The following MARCHF1 variants were observed in gnomAD, a reference collection of about 807,000 sequenced individuals.
MARCHF1 encodes the protein E3 ubiquitin-protein ligase MARCHF1.
MARCHF1 carries 40 observed loss-of-function variants against 54.2 expected under a neutral mutation model. The observed-to-expected ratio is 0.74, with a 90% CI of 0.57 to 0.96. MARCHF1 has a LOEUF of 0.96. Among genes scored for constraint, MARCHF1 ranks in the 40% least tolerant of loss-of-function variants. The pLI, the probability that MARCHF1 is intolerant of heterozygous loss-of-function variation, is 0.00. For synonymous variants in MARCHF1, 236 were observed against 236.3 expected (o/e 1.00, Z 0.01); for missense variants, 586 against 656.5 (o/e 0.89, Z 1.17).
At chr4:163,899,506 T>G (rs1191048120) in intron 3 of MARCHF1, among the ~76,000 whole-genome samples, 1 of 152,158 alleles carries the variant, frequency 6.6e-6, no homozygotes, top group African/African-American at 2.4e-5. Flanking sequence ...TCATTTTTCT[T>G]TGTAAACATA....
intron 3 of MARCHF1, among the ~76,000 whole-genome samples, chr4:163,898,699 G>T (rs1439678047): frequency 6.6e-6 from 1 of 152,030 alleles, no homozygotes; most frequent in African/African-American, 2.4e-5. Context: ...CTACCCAATG[G>T]AAAAGAAATC....
At chr4:164,134,233 G>C (rs970128073) in intron 1 of MARCHF1, among the ~76,000 whole-genome samples, 5 of 152,168 alleles carry the variant, frequency 3.3e-5, no homozygotes, top group African/African-American at 1.2e-4. Flanking sequence ...CAAGAGGGTG[G>C]TCATTGATCT....
At chr4:163,698,077 C>A (rs1417077327) in intron 5 of MARCHF1, among the ~76,000 whole-genome samples, 1 of 152,170 alleles carries the variant, frequency 6.6e-6, no homozygotes, top group African/African-American at 2.4e-5. Flanking sequence ...AATATATATG[C>A]TCCTTTTACA....
At chr4:164,062,698 AT>A (rs1754645305) in intron 2 of MARCHF1, among the ~76,000 whole-genome samples, 1 of 151,858 alleles carries the variant, frequency 6.6e-6, no homozygotes, top group South Asian at 2.1e-4. Flanking sequence ...CTAATTTTGT[AT>A]TTTTAGTAGA....
Position 163,649,075 on chromosome 4 carries a change from TA to T in MARCHF1, c.163-35683del, listed in dbSNP as rs765644770. 1.3e-4 allele frequency among the ~76,000 whole-genome samples: 20 copies of T among 152,228 alleles called. No homozygotes were observed. In the East Asian group the frequency reaches 3.1e-3, roughly 24 times the overall value. ...CTTGAGATCCAAGGCTTATGTGATT[TA>T]TTTTTTTTCTAGAATATGCTGAGCT... On this transcript the variant is annotated intron_variant, in intron 5 of 9. Transcript: ENST00000514618.
chr4:163,955,356 A>G (rs1752211387), intron 3 of MARCHF1, among the ~76,000 whole-genome samples: 1 of 151,326 alleles, frequency 6.6e-6, no homozygotes, highest in Non-Finnish European at 1.5e-5. Flanking sequence ...GGAAAAAAAA[A>G]ACAAAAACAA....
intron 1 of MARCHF1, among the ~76,000 whole-genome samples, chr4:164,256,432 T>TAAAAAAAAAAAAAAAAAAAA (rs11345775): frequency 1.6e-5 from 2 of 121,852 alleles, no homozygotes; most frequent in Non-Finnish European, 3.4e-5. Flanking sequence ...ACAAGAAGCT[T>TAAAAAAAAAAAAAAAAAAAA]AAAAAAAAAA....
intron 1 of MARCHF1, among the ~76,000 whole-genome samples, chr4:164,342,213 A>G (rs1246283114): frequency 6.6e-6 from 1 of 152,190 alleles, no homozygotes. Context: ...GATGTTCAAC[A>G]TCACTAATCA....
At chr4:164,271,668 C>T in intron 1 of MARCHF1, among the ~76,000 whole-genome samples, 1 of 152,040 alleles carries the variant, frequency 6.6e-6, no homozygotes, top group Non-Finnish European at 1.5e-5. Flanking sequence ...AGATTGGATA[C>T]CTATCTCCAA....
At chr4:163,763,241 G>A (rs2110833654) in intron 4 of MARCHF1, among the ~76,000 whole-genome samples, 1 of 152,154 alleles carries the variant, frequency 6.6e-6, no homozygotes, top group South Asian at 2.1e-4. Context: ...ACGTGATCAT[G>A]ACCTGTACTC....
At chr4:163,962,991 A>C (rs1311470540) in intron 3 of MARCHF1, among the ~76,000 whole-genome samples, 1 of 151,866 alleles carries the variant, frequency 6.6e-6, no homozygotes, top group South Asian at 2.1e-4. Flanking sequence ...TTTCCACTCA[A>C]CAGGTTTTTC....
intron 1 of MARCHF1, among the ~76,000 whole-genome samples, chr4:164,165,699 G>T (rs1228426828): frequency 1.3e-5 from 2 of 151,950 alleles, no homozygotes; most frequent in African/African-American, 4.8e-5. Context: ...TGAACTGAAA[G>T]GCCCTGCATT....
intron 5 of MARCHF1, among the ~76,000 whole-genome samples, chr4:163,653,240 A>G: frequency 6.6e-6 from 1 of 151,790 alleles, no homozygotes; most frequent in Non-Finnish European, 1.5e-5. Flanking sequence ...AGACATGAAC[A>G]TGCTCTGATA....
chr4:163,734,583 T>C (rs555016167), intron 4 of MARCHF1, among the ~76,000 whole-genome samples: 79 of 151,154 alleles, frequency 5.2e-4, no homozygotes, highest in Non-Finnish European at 1.1e-3. Context: ...TTTTGTAATG[T>C]TCCAATTCTA....
intron 3 of MARCHF1, among the ~76,000 whole-genome samples, chr4:163,918,454 G>A (rs1751357339): frequency 6.6e-6 from 1 of 152,052 alleles, no homozygotes; most frequent in African/African-American, 2.4e-5. Flanking sequence ...CATTTCCATT[G>A]GATTAAAAGG....
intron 7 of MARCHF1, among the ~76,000 whole-genome samples, chr4:163,591,237 G>A (rs1200260656): frequency 1.3e-5 from 2 of 151,818 alleles, no homozygotes; most frequent in African/African-American, 4.8e-5. Flanking sequence ...CTATATTAAA[G>A]TCTGTCTTTG....
chr4:163,862,070 T>A (rs189851448), intron 3 of MARCHF1, among the ~76,000 whole-genome samples: 1 of 152,060 alleles, frequency 6.6e-6, no homozygotes, highest in Admixed American at 6.6e-5. Flanking sequence ...TAACTGAAAA[T>A]GAATCATAAA....
intron 2 of MARCHF1, among the ~76,000 whole-genome samples, chr4:164,016,457 A>C (rs1196471562): frequency 2.6e-5 from 4 of 152,170 alleles, no homozygotes; most frequent in African/African-American, 9.7e-5. Flanking sequence ...CACAAAACCT[A>C]ACCATATCAC....
chr4:163,662,661 A>G (rs1475862966), intron 5 of MARCHF1, among the ~76,000 whole-genome samples: 1 of 151,892 alleles, frequency 6.6e-6, no homozygotes, highest in Non-Finnish European at 1.5e-5. Flanking sequence ...TGTATTACAC[A>G]CTCACTCAAA....
Sources: allele counts gnomAD v4.1 joint callset (sites outside exome capture counted in the v4.1 genomes callset), GRCh38; gene constraint gnomAD v4.1.1; transcripts MANE v1.5; gene names NCBI Gene and HGNC (gene_info 2026-07-23, HGNC 2026-07-21).